Variants in ITSN1 observed in about 807,000 individuals in gnomAD.
The protein encoded by ITSN1 is intersectin-1.
In ITSN1, 58 loss-of-function variants were observed where a neutral mutation model predicts 239.8. That is an observed-to-expected ratio of 0.24 (90% CI 0.20 to 0.30). The LOEUF (loss-of-function observed/expected upper bound fraction) is 0.30. Among genes scored for constraint, ITSN1 ranks in the 10% least tolerant of loss-of-function variants. The pLI, the probability that ITSN1 is intolerant of heterozygous loss-of-function variation, is 1.00. For synonymous variants in ITSN1, 780 were observed against 770.8 expected (o/e 1.01, Z -0.20); for missense variants, 1,558 against 2,103.3 (o/e 0.74, Z 5.07).
chr21:33,665,534 G>T (rs955770314), intron 1 of ITSN1, among the ~76,000 whole-genome samples: 6 of 152,114 alleles, frequency 3.9e-5, no homozygotes, highest in Non-Finnish European at 5.9e-5. Context: ...ATATATTGCT[G>T]GTGTGAATGT....
intron 33 of ITSN1, among the ~76,000 whole-genome samples, chr21:33,868,330 C>CT (rs564262432): frequency 9.3e-4 from 141 of 152,368 alleles, no homozygotes; most frequent in African/African-American, 3.2e-3. Context: ...CTCCTCAGGC[C>CT]TTGGGTGGTC....
At chr21:33,661,106 A>G (rs1264598181) in intron 1 of ITSN1, among the ~76,000 whole-genome samples, 1 of 152,236 alleles carries the variant, frequency 6.6e-6, no homozygotes, top group African/African-American at 2.4e-5. Context: ...TTTATCATGA[A>G]CAGCAAGTAC....
At chr21:33,681,023 T>C (rs1407245393) in intron 1 of ITSN1, among the ~76,000 whole-genome samples, 2 of 152,196 alleles carry the variant, frequency 1.3e-5, no homozygotes, top group African/African-American at 2.4e-5. Flanking sequence ...CTTCATGCCA[T>C]GGTAGAACCT....
chr21:33,803,202 A>C (rs1251046996), intron 20 of ITSN1, among the ~76,000 whole-genome samples: 1 of 152,260 alleles, frequency 6.6e-6, no homozygotes, highest in African/African-American at 2.4e-5. Context: ...GACAGTGGAT[A>C]TAATATACAT....
chr21:33,667,198 A>C (rs2089984314), intron 1 of ITSN1, among the ~76,000 whole-genome samples: 1 of 151,302 alleles, frequency 6.6e-6, no homozygotes, highest in Non-Finnish European at 1.5e-5. Context: ...ACGCTCTATA[A>C]TATATGATGG....
rs137950053 is a variant in ITSN1, at chr21:33,886,927, A to C, written c.5017+467A>C. Among the ~76,000 whole-genome samples, 621 of 152,286 alleles carry C rather than the reference A, an allele frequency of 4.1e-3. 4 individuals are homozygous for C. Among genetic ancestry groups the C allele is most frequent in the African/African-American group, 0.014 (584 of 41,556 alleles). ...AAAGGGATGCAGTCATGTTGAATGA[A>C]TCATTTCTTCAGCCAGCCTTCTGTT... On this transcript the variant is annotated intron_variant, in intron 39 of 39. Coordinates refer to ENST00000381318, the MANE Select transcript of ITSN1 (RefSeq NM_003024.3).
At chr21:33,679,208 G>A (rs2090779366) in intron 1 of ITSN1, among the ~76,000 whole-genome samples, 1 of 152,152 alleles carries the variant, frequency 6.6e-6, no homozygotes, top group African/African-American at 2.4e-5. Context: ...TTTCAGGTGT[G>A]TTATTCCCTT....
chr21:33,645,455 A>G (rs2087847597), intron 1 of ITSN1, among the ~76,000 whole-genome samples: 2 of 151,940 alleles, frequency 1.3e-5, no homozygotes, highest in South Asian at 2.1e-4. Context: ...AGCTTGGGCA[A>G]CACAGGGAAA....
chr21:33,858,884 T>TG, intron 31 of ITSN1, 92 bp downstream of exon 31: 1 of 623,262 alleles, frequency 1.6e-6, no homozygotes, highest in Non-Finnish European at 2.9e-6. Context: ...TCTTGCATGC[T>TG]GCCCTGTGCT....
At chr21:33,735,935 G>T (rs1468012685) in intron 5 of ITSN1, among the ~76,000 whole-genome samples, 1 of 152,212 alleles carries the variant, frequency 6.6e-6, no homozygotes, top group Non-Finnish European at 1.5e-5. Context: ...GGCAGTGGCT[G>T]CAGTGAGCCA....
intron 6 of ITSN1, among the ~76,000 whole-genome samples, chr21:33,751,383 C>G (rs2067544105): frequency 6.6e-6 from 1 of 152,202 alleles, no homozygotes. Context: ...GCTGACCTTC[C>G]CTAGTGTCAC....
chr21:33,767,441 C>A (rs2068803960), intron 10 of ITSN1, among the ~76,000 whole-genome samples: 1 of 152,104 alleles, frequency 6.6e-6, no homozygotes, highest in South Asian at 2.1e-4. Flanking sequence ...ATTGTTCTTA[C>A]CACTTTTTGA....
rs35001467 is a variant in ITSN1, at chr21:33,887,319, CA to C, written c.5018-820del. ...GGGCAACAGAGCAAGATCCTGTCTCCAAAAAAAAAAAAATCACAGAGTAAGT... is the reference window on the plus strand; with the variant it reads ...GGGCAACAGAGCAAGATCCTGTCTCCAAAAAAAAAAAATCACAGAGTAAGT... On this transcript the variant is annotated intron_variant, in intron 39 of 39. Coordinates refer to ENST00000381318, the MANE Select transcript of ITSN1 (RefSeq NM_003024.3). 8.5e-4 allele frequency among the ~76,000 whole-genome samples: 122 copies of C among 144,258 alleles called. 1 individual carries two copies. Among genetic ancestry groups the C allele is most frequent in the African/African-American group, 1.9e-3 (76 of 39,514 alleles). The allele number at this position is 144,258 out of a possible 152,430, so 94.6% of individuals were successfully genotyped here.
At chr21:33,694,048 C>T (rs1009037739) in intron 1 of ITSN1, among the ~76,000 whole-genome samples, 11 of 152,114 alleles carry the variant, frequency 7.2e-5, no homozygotes, top group African/African-American at 2.4e-4. Flanking sequence ...GAGTCTTGCT[C>T]TTTTGCTCAG....
intron 34 of ITSN1, among the ~76,000 whole-genome samples, chr21:33,881,203 T>A (rs9976022): frequency 6.6e-6 from 1 of 151,844 alleles, no homozygotes; most frequent in Admixed American, 6.6e-5. Flanking sequence ...GTCAGGAGAT[T>A]GAGACCATCC....
intron 1 of ITSN1, among the ~76,000 whole-genome samples, chr21:33,684,061 T>TC (rs2091113126): frequency 6.6e-6 from 1 of 152,234 alleles, no homozygotes. Context: ...GAGTTAGTCT[T>TC]CATTTCCCAT....
intron 5 of ITSN1, among the ~76,000 whole-genome samples, chr21:33,742,651 C>T (rs1222176193): frequency 6.6e-6 from 1 of 152,124 alleles, no homozygotes; most frequent in Admixed American, 6.6e-5. Context: ...ACTGGCCCAA[C>T]AAGCCTTCCT....
intron 1 of ITSN1, among the ~76,000 whole-genome samples, chr21:33,646,424 T>A (rs912977962): frequency 6.6e-6 from 1 of 152,236 alleles, no homozygotes; most frequent in Non-Finnish European, 1.5e-5. Flanking sequence ...GCTATAAAAA[T>A]TGGTTTCTAG....
At chr21:33,859,483 C>T (rs945579663) in intron 31 of ITSN1, among the ~76,000 whole-genome samples, 3 of 152,168 alleles carry the variant, frequency 2.0e-5, no homozygotes, top group African/African-American at 4.8e-5. Context: ...GTATCCACCA[C>T]GCTCTCATTG....
Sources: gnomAD v4.1 joint callset for allele counts (sites outside exome capture counted in the v4.1 genomes callset) on GRCh38, gnomAD v4.1.1 for gene constraint, MANE v1.5 for transcripts, NCBI Gene and HGNC (gene_info 2026-07-23, HGNC 2026-07-21) for gene names.